Variants in SPAG9 observed in about 807,000 individuals in gnomAD.
SPAG9 encodes sperm associated antigen 9, also known as C-Jun-amino-terminal kinase-interacting protein 4.
Under a neutral mutation model 166.5 loss-of-function variants are expected in SPAG9, and 35 were observed. That is an observed-to-expected ratio of 0.21 (90% CI 0.16 to 0.28). The LOEUF is 0.28. Among genes scored for constraint, SPAG9 ranks in the 10% least tolerant of loss-of-function variants. SPAG9 has a pLI of 1.00. For missense variants in SPAG9, 1,235 were observed against 1,603.3 expected, an observed-to-expected ratio of 0.77 and a Z score of 3.92; for synonymous variants, 534 against 565.5, an observed-to-expected ratio of 0.94 and a Z score of 0.79.
At chr17:51,045,546 A>C (rs1255548975) in intron 4 of SPAG9, among the ~76,000 whole-genome samples, 2 of 152,114 alleles carry the variant, frequency 1.3e-5, no homozygotes, top group Admixed American at 6.5e-5. Flanking sequence ...GGAAGTTACT[A>C]CTTTAATTCT....
intron 29 of SPAG9, among the ~76,000 whole-genome samples, chr17:50,967,475 A>G (rs1323908767): frequency 2.0e-5 from 3 of 152,228 alleles, no homozygotes; most frequent in Admixed American, 1.3e-4. Context: ...GCCTTTTCAC[A>G]GCAATATCAA....
At position 50,964,625 on chromosome 17, in the gene SPAG9, A is replaced by T. The variant is rs1175228741; in HGVS notation, c.*1647T>A. On this transcript the variant is annotated 3_prime_UTR_variant, in exon 30 of 30. Coordinates refer to ENST00000262013, the MANE Select transcript of SPAG9 (RefSeq NM_001130528.3). ...AAAAATCATATTTAGCTTTGCCTAG[A>T]GTAATAGATAAAAAAGGGTAAATCA... The T allele has an allele frequency of 3.0e-6, 1 of 334,744 alleles. No homozygotes were observed. The highest frequency in any genetic ancestry group is 5.9e-6 in the Non-Finnish European group (1 of 168,356). 20.7% of individuals were successfully genotyped at this position (334,744 alleles called of 1,614,324 possible).
At chr17:51,108,831 A>AT (rs1240639603) in intron 1 of SPAG9, among the ~76,000 whole-genome samples, 9 of 151,310 alleles carry the variant, frequency 5.9e-5, no homozygotes, top group African/African-American at 1.7e-4. Flanking sequence ...TTATTTATTT[A>AT]TTTTTATTTT....
intron 1 of SPAG9, among the ~76,000 whole-genome samples, chr17:51,105,788 T>C (rs1226473100): frequency 6.6e-6 from 1 of 151,692 alleles, no homozygotes; most frequent in African/African-American, 2.4e-5. Flanking sequence ...GAGAATGGCG[T>C]GAACCCGGGA....
chr17:51,080,583 G>A (rs1225831280), intron 1 of SPAG9, among the ~76,000 whole-genome samples: 11 of 152,096 alleles, frequency 7.2e-5, no homozygotes, highest in Non-Finnish European at 1.5e-5. Context: ...TCAATTGGAT[G>A]TTTAAAAAGC....
chr17:51,091,195 C>T (rs1458303608), intron 1 of SPAG9, among the ~76,000 whole-genome samples: 2 of 151,446 alleles, frequency 1.3e-5, no homozygotes, highest in Non-Finnish European at 2.9e-5. Flanking sequence ...GATCACCAAG[C>T]CCAGGAGGCA....
intron 1 of SPAG9, among the ~76,000 whole-genome samples, chr17:51,109,444 T>G (rs904115208): frequency 6.6e-6 from 1 of 151,690 alleles, no homozygotes; most frequent in Non-Finnish European, 1.5e-5. Context: ...ACCATGTTGG[T>G]CAGGCTGGTC....
chr17:50,986,261 C>T (rs775906090), intron 22 of SPAG9, among the ~76,000 whole-genome samples: 4 of 152,122 alleles, frequency 2.6e-5, no homozygotes, highest in Non-Finnish European at 5.9e-5. Context: ...TATTTTACGA[C>T]AGGGGAGATT....
Position 51,006,161 on chromosome 17 carries a change from C to G in SPAG9, c.1348G>C (p.Gly450Arg). 2 of 1,614,184 alleles carry G rather than the reference C, an allele frequency of 1.2e-6. No homozygotes were observed. Among genetic ancestry groups the G allele is most frequent in the Non-Finnish European group, 1.7e-6 (2 of 1,179,986 alleles). ...ELTCEKDVLQ[G>R]ELEAVKQAKL... ...GCTTGCTTCACAGCCTCCAATTCCC[C>G]TTGCAGCACATCTTTCTCACAGGTC... Residue 450 changes from glycine (G) to arginine (R), a missense_variant, in exon 11 of 30, where the codon GGG becomes CGG. Transcript: ENST00000262013.
In SPAG9 at chr17:51,120,509, G is replaced by A. The variant is rs139584788; in HGVS notation, c.148C>T (p.Leu50=). 80 of 1,613,998 alleles carry A rather than the reference G, an allele frequency of 5.0e-5. No homozygotes were observed. In the African/African-American group the frequency reaches 9.1e-4, roughly 18 times the overall value. Residue 50 remains leucine (L), a synonymous_variant, in exon 1 of 30, where the codon CTG becomes TTG. Coordinates refer to ENST00000262013, the MANE Select transcript of SPAG9 (RefSeq NM_001130528.3). The surrounding 1 kb of genome is among the most constrained non-coding windows in gnomAD (Gnocchi z 4.7). ...GRYDEEVVKE[L]MPLVVAVLEN... ...AGCACAGCCACCACCAGCGGCATCA[G>A]CTCTTTGACCACCTCCTCGTCATAG...
intron 29 of SPAG9, among the ~76,000 whole-genome samples, chr17:50,966,900 C>T (rs1206160870): frequency 6.6e-6 from 1 of 152,200 alleles, no homozygotes; most frequent in Non-Finnish European, 1.5e-5. Context: ...AAATAATTAG[C>T]CTGCAGCACT....
chr17:51,108,205 G>A (rs951557918), intron 1 of SPAG9, among the ~76,000 whole-genome samples: 14 of 151,764 alleles, frequency 9.2e-5, no homozygotes, highest in African/African-American at 3.4e-4. Context: ...TGGTCAACAT[G>A]GCAAAACCCC....
At chr17:51,035,963 C>T (rs1397021263) in intron 5 of SPAG9, among the ~76,000 whole-genome samples, 2 of 152,030 alleles carry the variant, frequency 1.3e-5, no homozygotes, top group African/African-American at 4.8e-5. Context: ...GGTTATTTAC[C>T]ACAGTATTAT....
At chr17:51,012,722 C>G (rs2045538992) in intron 9 of SPAG9, among the ~76,000 whole-genome samples, 1 of 145,738 alleles carries the variant, frequency 6.9e-6, no homozygotes, top group South Asian at 2.2e-4. Flanking sequence ...TTACTAGATA[C>G]TTTATTTATT....
chr17:51,107,100 C>CAAA (rs527593488), intron 1 of SPAG9, among the ~76,000 whole-genome samples: 1 of 87,852 alleles, frequency 1.1e-5, no homozygotes, highest in African/African-American at 4.2e-5. Flanking sequence ...TGCTCCATCT[C>CAAA]AAAAAAAAAA....
chr17:51,010,858 G>GA (rs371310333), intron 9 of SPAG9, among the ~76,000 whole-genome samples: 2 of 152,154 alleles, frequency 1.3e-5, no homozygotes, highest in African/African-American at 4.8e-5. Context: ...TTGGGCTCTA[G>GA]AAAAAGATCT....
At chr17:51,023,748 TC>T (rs2046038354) in intron 6 of SPAG9, among the ~76,000 whole-genome samples, 2 of 152,100 alleles carry the variant, frequency 1.3e-5, no homozygotes, top group Non-Finnish European at 2.9e-5. Flanking sequence ...CAATGCAACC[TC>T]CACCTTCCAG....
intron 14 of SPAG9, chr17:50,999,459 C>A: frequency 6.7e-7 from 1 of 1,497,356 alleles, no homozygotes; most frequent in Non-Finnish European, 8.8e-7. Flanking sequence ...ATTTTTTGTC[C>A]TTGAGAAGAG....
At chr17:51,019,159 C>T (rs2045827334) in intron 8 of SPAG9, among the ~76,000 whole-genome samples, 1 of 152,214 alleles carries the variant, frequency 6.6e-6, no homozygotes, top group African/African-American at 2.4e-5. Context: ...AGCAACAAGG[C>T]ACCAACTTGA....
Sources: allele counts gnomAD v4.1 joint callset (sites outside exome capture counted in the v4.1 genomes callset), GRCh38; gene constraint gnomAD v4.1.1; non-coding constraint Gnocchi (gnomAD v3.1); transcripts MANE v1.5; gene names NCBI Gene and HGNC (gene_info 2026-07-23, HGNC 2026-07-21).